Variants in NAA16 observed in about 807,000 individuals in gnomAD.
NAA16 encodes NARG1-like protein.
A neutral mutation model predicts 110.3 loss-of-function variants in NAA16; 97 were observed. The ratio of observed to expected loss-of-function variants is 0.88; its 90% CI spans 0.75 to 1.04. The LOEUF (loss-of-function observed/expected upper bound fraction) is 1.04. NAA16 is among the 50% of genes least tolerant of loss of function. The pLI, the probability that NAA16 is intolerant of heterozygous loss-of-function variation, is 0.00. For missense variants in NAA16, 1,017 were observed against 1,005.1 expected (o/e 1.01, Z -0.16); for synonymous variants, 372 against 330.6 (o/e 1.13, Z -1.36).
At chr13:41,343,579 G>T (rs2042609084) in intron 9 of NAA16, among the ~76,000 whole-genome samples, 1 of 152,108 alleles carries the variant, frequency 6.6e-6, no homozygotes, top group South Asian at 2.1e-4. Context: ...TCACCAGGCT[G>T]GAGTGCAGTG....
At chr13:41,345,199 G>A (rs1311316260) in intron 9 of NAA16, among the ~76,000 whole-genome samples, 1 of 152,188 alleles carries the variant, frequency 6.6e-6, no homozygotes, top group Non-Finnish European at 1.5e-5. Flanking sequence ...TCTTAGGTGT[G>A]TATCTGGGAA....
chr13:41,318,805 G>A lies in NAA16; in HGVS notation c.140-1G>A. On this transcript the variant is annotated splice_acceptor_variant, in intron 2 of 19. Coordinates refer to ENST00000379406, the MANE Select transcript of NAA16 (RefSeq NM_024561.5). LOFTEE classifies it high-confidence loss of function. ...AATAGAGTTTAAAAATTATTTTTCA[G>A]AGACTTTGGCTATGAAAGGATTAAC... The A allele has an allele frequency of 1.3e-6, 2 of 1,522,536 alleles. No individual in the cohort carries two copies. Among genetic ancestry groups the A allele is most frequent in the Non-Finnish European group, 1.8e-6 (2 of 1,130,774 alleles). 94.3% of individuals were successfully genotyped at this position (1,522,536 alleles called of 1,614,324 possible). A position where few individuals can be genotyped will look rare whatever the true frequency, so the allele number is the denominator to read the frequency against.
At chr13:41,318,270 A>G (rs897721449) in intron 2 of NAA16, among the ~76,000 whole-genome samples, 2 of 151,680 alleles carry the variant, frequency 1.3e-5, no homozygotes, top group Non-Finnish European at 2.9e-5. Context: ...CAGTGGCACA[A>G]TCTTGGCTCA....
At position 41,311,494 on chromosome 13, in the gene NAA16, T is replaced by G. The variant is rs1298230709; in HGVS notation, c.-35T>G. ...AAGCGGAGCGCCCGGGCACCTAGCC[T>G]CCCTGCCGGCCACCTAGCCTCCCTG... is the stretch of plus-strand genomic sequence containing the variant. On this transcript the variant is annotated 5_prime_UTR_variant, in exon 1 of 20. Transcript: ENST00000379406. 1.9e-6 allele frequency: 3 copies of G among 1,572,588 alleles called. No homozygotes were observed. Among genetic ancestry groups the G allele is most frequent in the Non-Finnish European group, 2.6e-6 (3 of 1,159,790 alleles).
At chr13:41,361,111 T>A (rs1180951136) in intron 12 of NAA16, among the ~76,000 whole-genome samples, 3 of 152,208 alleles carry the variant, frequency 2.0e-5, no homozygotes, top group Non-Finnish European at 4.4e-5. Flanking sequence ...ATTTTAAATG[T>A]CTCTTCTAAA....
At chr13:41,325,369 T>A (rs1052056556) in intron 5 of NAA16, among the ~76,000 whole-genome samples, 1 of 152,176 alleles carries the variant, frequency 6.6e-6, no homozygotes, top group East Asian at 1.9e-4. Context: ...TTTGTCTTCA[T>A]TGATATTTTA....
chr13:41,312,851 C>T (rs759081326), intron 1 of NAA16, among the ~76,000 whole-genome samples: 1 of 152,130 alleles, frequency 6.6e-6, no homozygotes, highest in African/African-American at 2.4e-5. Context: ...AATGTGAGAA[C>T]ATTAAAAATA....
intron 12 of NAA16, 117 bp downstream of exon 12, chr13:41,359,079 A>G: frequency 8.0e-6 from 7 of 871,730 alleles, no homozygotes; most frequent in Non-Finnish European, 9.4e-6. Context: ...ATTCATTTTT[A>G]TTATTGTTTT....
chr13:41,328,722 A>G lies in NAA16; in HGVS notation c.692-2A>G. The G allele has an allele frequency of 1.2e-6, 2 of 1,600,668 alleles. No individual in the cohort carries two copies. Among genetic ancestry groups the G allele is most frequent in the Non-Finnish European group, 1.7e-6 (2 of 1,172,040 alleles). The stretch of plus-strand genomic sequence containing the variant: ...TGAATATGTCTTTAAACTTAATTTC[A>G]GGGGAAATACTGTTGAAATTGGGAA... On this transcript the variant is annotated splice_acceptor_variant, in intron 6 of 19. Transcript: ENST00000379406. LOFTEE classifies it high-confidence loss of function.
intron 10 of NAA16, among the ~76,000 whole-genome samples, chr13:41,356,227 A>G (rs1005204597): frequency 3.9e-5 from 6 of 152,082 alleles, no homozygotes; most frequent in Non-Finnish European, 7.4e-5. Context: ...GGATTTTGCC[A>G]TGTTGTCCAG....
At position 41,358,855 on chromosome 13, in the gene NAA16, C is replaced by T; in HGVS notation, c.1303C>T (p.Gln435Ter). 1 of 1,610,406 alleles carries T rather than the reference C, an allele frequency of 6.2e-7. No individual in the cohort carries two copies. The highest frequency in any genetic ancestry group is 1.1e-5 in the South Asian group (1 of 90,526). Residue 435 changes from glutamine (Q) to a stop codon, truncating the protein, a stop_gained, in exon 12 of 20, where the codon CAG becomes TAG. Coordinates refer to ENST00000379406, the MANE Select transcript of NAA16 (RefSeq NM_024561.5). LOFTEE classifies it high-confidence loss of function. ...KEAAKWMDEA[Q>*]SLDTADRFIN... ...AGCTGCAAAGTGGATGGATGAAGCA[C>T]AGTCTTTGGACACAGCTGATAGATT... is the stretch of plus-strand genomic sequence containing the variant.
At chr13:41,312,759 CT>C (rs1459128416) in intron 1 of NAA16, among the ~76,000 whole-genome samples, 2 of 152,082 alleles carry the variant, frequency 1.3e-5, no homozygotes, top group Non-Finnish European at 2.9e-5. Flanking sequence ...CACACTTAGT[CT>C]TCAGATTAGG....
intron 9 of NAA16, among the ~76,000 whole-genome samples, 166 bp from the exon 10 acceptor site, chr13:41,354,978 G>A (rs1297835815): frequency 6.7e-6 from 1 of 148,320 alleles, no homozygotes; most frequent in East Asian, 2.0e-4. Context: ...TCCAAAGCGG[G>A]GAAATACTCA....
intron 9 of NAA16, among the ~76,000 whole-genome samples, chr13:41,352,960 T>C (rs1209830112): frequency 6.6e-6 from 1 of 151,976 alleles, no homozygotes; most frequent in Non-Finnish European, 1.5e-5. Context: ...CTACTAAAAA[T>C]AGAAAAATTA....
In NAA16 at chr13:41,358,321, C is replaced by T; in HGVS notation, c.1105C>T (p.Pro369Ser). 1 of 1,613,122 alleles carries T rather than the reference C, an allele frequency of 6.2e-7. No homozygotes were observed. The highest frequency in any genetic ancestry group is 1.1e-5 in the South Asian group (1 of 90,860). Residue 369 changes from proline (P) to serine (S), a missense_variant, in exon 11 of 20, where the codon CCC (proline) becomes TCC (serine). Coordinates refer to ENST00000379406, the MANE Select transcript of NAA16 (RefSeq NM_024561.5). ...GATTGCAGAGAATGGGGAGAAGGAA[C>T]CCCCGACAACACTACTCTGGGTTCA... ...FSPYENGEKE[P>S]PTTLLWVQYF...
intron 9 of NAA16, among the ~76,000 whole-genome samples, chr13:41,340,598 T>A (rs1794977832): frequency 6.6e-6 from 1 of 151,384 alleles, no homozygotes; most frequent in South Asian, 2.1e-4. Context: ...CCAGTAGTCA[T>A]TCAGGAGCAG....
At chr13:41,311,726 C>T (rs964014589) in intron 1 of NAA16, 144 bp downstream of exon 1, 1 of 748,620 alleles carries the variant, frequency 1.3e-6, no homozygotes, top group African/African-American at 1.9e-5. Flanking sequence ...TCGCGGGACC[C>T]CACTTTCCCG....
At chr13:41,365,985 C>G (rs773451204) in intron 13 of NAA16, among the ~76,000 whole-genome samples, 2 of 151,966 alleles carry the variant, frequency 1.3e-5, no homozygotes, top group Non-Finnish European at 2.9e-5. Context: ...CCTTAGTTAA[C>G]TGTATTGAAT....
Position 41,339,136 on chromosome 13 carries a change from G to A in NAA16, c.1014+2380G>A, listed in dbSNP as rs1452163425. Among the ~76,000 whole-genome samples the A allele has an allele frequency of 9.3e-4, 139 of 150,266 alleles. 1 individual carries two copies. The highest frequency in any genetic ancestry group is 2.9e-3 in the Admixed American group (44 of 15,052). ...TTTCTTGTTTTTGTTGTTGTTGTTT[G>A]TTTGTTTGTTTGTTTGTTTTTGAGT... On this transcript the variant is annotated intron_variant, in intron 9 of 19. Coordinates refer to ENST00000379406, the MANE Select transcript of NAA16 (RefSeq NM_024561.5).
Sources: allele counts gnomAD v4.1 joint callset (sites outside exome capture counted in the v4.1 genomes callset), GRCh38; gene constraint gnomAD v4.1.1; transcripts MANE v1.5; gene names NCBI Gene and HGNC (gene_info 2026-07-23, HGNC 2026-07-21).